CHODL: variants seen among roughly 807,000 people sequenced by gnomAD.
CHODL encodes transmembrane protein MT75.
In CHODL, 29 loss-of-function variants were observed where a neutral mutation model predicts 34.5. The ratio of observed to expected loss-of-function variants is 0.84; its 90% CI spans 0.63 to 1.15. CHODL has a LOEUF of 1.15. Among genes scored for constraint, CHODL ranks in the 50% most tolerant of loss-of-function variants. The probability of loss-of-function intolerance (pLI) is 0.00; values close to 1 mark genes in which losing one functional copy is unlikely to be tolerated. For missense variants in CHODL, 332 were observed against 332.5 expected (o/e 1.00, Z 0.01); for synonymous variants, 125 against 116.1 (o/e 1.08, Z -0.49).
At chr21:18,041,921 C>T (rs758828668) in intron 2 of CHODL, among the ~76,000 whole-genome samples, 5 of 151,642 alleles carry the variant, frequency 3.3e-5, no homozygotes, top group Non-Finnish European at 5.9e-5. Flanking sequence ...TATGAGAAAG[C>T]GTTTGTAGTC....
intron 2 of CHODL, among the ~76,000 whole-genome samples, chr21:18,208,945 A>C (rs190066842): frequency 1.1e-3 from 136 of 128,136 alleles, no homozygotes; most frequent in African/African-American, 3.8e-3. Context: ...GGCCTCCACC[A>C]CCGGAACTGT....
At chr21:17,992,050 A>T (rs1363756541) in intron 1 of CHODL, among the ~76,000 whole-genome samples, 1 of 152,042 alleles carries the variant, frequency 6.6e-6, no homozygotes, top group Non-Finnish European at 1.5e-5. Context: ...ATTGATATCC[A>T]GTTTTCCCAG....
At chr21:18,100,702 C>G (rs1205835981) in intron 2 of CHODL, among the ~76,000 whole-genome samples, 2 of 151,880 alleles carry the variant, frequency 1.3e-5, no homozygotes, top group Non-Finnish European at 1.5e-5. Context: ...ATTTGATAGG[C>G]ACAAAAAGGT....
intron 1 of CHODL, among the ~76,000 whole-genome samples, chr21:17,989,866 G>T (rs371503687): frequency 3.9e-5 from 6 of 152,110 alleles, no homozygotes; most frequent in East Asian, 3.9e-4. Context: ...CAAGAACTTG[G>T]ATGTAAACAG....
At chr21:18,218,718 C>T (rs916045431) in intron 2 of CHODL, among the ~76,000 whole-genome samples, 1 of 152,104 alleles carries the variant, frequency 6.6e-6, no homozygotes, top group African/African-American at 2.4e-5. Flanking sequence ...GAACACTTCA[C>T]TGCTTAGAAA....
At chr21:18,232,942 G>GATATATATATATATATATATATATATAT (rs371388519) in intron 2 of CHODL, among the ~76,000 whole-genome samples, 7 of 119,396 alleles carry the variant, frequency 5.9e-5, no homozygotes, top group African/African-American at 2.2e-4. Flanking sequence ...ATGATGTTAT[G>GATATATATATATATATATATATATATAT]ATATATATAT....
chr21:18,108,233 T>A (rs904038378), intron 2 of CHODL, among the ~76,000 whole-genome samples: 3 of 152,154 alleles, frequency 2.0e-5, no homozygotes, highest in African/African-American at 7.2e-5. Context: ...AGGTCACGGT[T>A]GCATATTTAG....
intron 1 of CHODL, among the ~76,000 whole-genome samples, chr21:17,934,147 AATGGGTAC>A (rs2063300384): frequency 6.6e-6 from 1 of 152,066 alleles, no homozygotes. Context: ...CTGATTAGGT[AATGGGTAC>A]ATCAGAAGCC....
intron 2 of CHODL, among the ~76,000 whole-genome samples, chr21:18,068,259 C>T (rs748245069): frequency 2.6e-5 from 4 of 151,064 alleles, no homozygotes; most frequent in East Asian, 1.9e-4. Flanking sequence ...TGCAGTGGTG[C>T]GGTCTCAGCT....
At chr21:17,962,700 T>C (rs983162006) in intron 1 of CHODL, among the ~76,000 whole-genome samples, 1 of 152,226 alleles carries the variant, frequency 6.6e-6, no homozygotes, top group African/African-American at 2.4e-5. Flanking sequence ...TATAAAAGGC[T>C]TTGAGAAAAT....
intron 1 of CHODL, among the ~76,000 whole-genome samples, chr21:17,943,699 G>C (rs2063383711): frequency 6.6e-6 from 1 of 152,200 alleles, no homozygotes; most frequent in East Asian, 1.9e-4. Context: ...AGAAAGGTAA[G>C]AGGACTAGTC....
chr21:18,155,974 C>A (rs1298137063), intron 2 of CHODL, among the ~76,000 whole-genome samples: 1 of 152,184 alleles, frequency 6.6e-6, no homozygotes, highest in Non-Finnish European at 1.5e-5. Context: ...ACATGGAATA[C>A]TTATACTCAA....
chr21:18,108,244 G>C (rs2065299621), intron 2 of CHODL, among the ~76,000 whole-genome samples: 1 of 151,844 alleles, frequency 6.6e-6, no homozygotes. Context: ...GCATATTTAG[G>C]ATATGGTCCT....
chr21:17,953,496 A>T (rs572167906), intron 1 of CHODL, among the ~76,000 whole-genome samples: 1 of 152,224 alleles, frequency 6.6e-6, no homozygotes, highest in South Asian at 2.1e-4. Context: ...TAAAAATTCA[A>T]TTGAGAAAAT....
At chr21:18,130,200 G>A (rs2072638451) in intron 2 of CHODL, among the ~76,000 whole-genome samples, 1 of 152,078 alleles carries the variant, frequency 6.6e-6, no homozygotes, top group Non-Finnish European at 1.5e-5. Flanking sequence ...TTCCTTACTT[G>A]TAAAGTGGTA....
chr21:18,228,145 T>TA (rs1221859601), intron 2 of CHODL, among the ~76,000 whole-genome samples: 1 of 152,156 alleles, frequency 6.6e-6, no homozygotes, highest in Non-Finnish European at 1.5e-5. Flanking sequence ...ACTGCATCAA[T>TA]ATTTCACACT....
At chr21:17,956,845 G>A (rs996025563) in intron 1 of CHODL, among the ~76,000 whole-genome samples, 1 of 143,562 alleles carries the variant, frequency 7.0e-6, no homozygotes, top group African/African-American at 2.5e-5. Context: ...TAACATCCTT[G>A]TGAAGGTTAA....
chr21:18,193,089 A>C (rs2073530404), intron 2 of CHODL, among the ~76,000 whole-genome samples: 1 of 152,210 alleles, frequency 6.6e-6, no homozygotes, highest in Non-Finnish European at 1.5e-5. Context: ...GAACTAAATA[A>C]AGGAAAATAT....
intron 1 of CHODL, among the ~76,000 whole-genome samples, chr21:17,998,456 A>C (rs2063872647): frequency 6.6e-6 from 1 of 152,214 alleles, no homozygotes; most frequent in Admixed American, 6.5e-5. Context: ...GTGGTGCCCC[A>C]GTAGGGAACC....
Sources: gnomAD v4.1 joint callset for allele counts (sites outside exome capture counted in the v4.1 genomes callset) on GRCh38, gnomAD v4.1.1 for gene constraint, MANE v1.5 for transcripts, NCBI Gene and HGNC (gene_info 2026-07-23, HGNC 2026-07-21) for gene names.